The following RIMBP2 variants were observed in gnomAD, a reference collection of about 807,000 sequenced individuals.
The protein encoded by RIMBP2 is RIMS binding protein 2.
Under a neutral mutation model 118.6 loss-of-function variants are expected in RIMBP2, and 48 were observed. That is an observed-to-expected ratio of 0.40 (90% CI 0.32 to 0.51). RIMBP2 has a LOEUF of 0.51. Ranked by LOEUF, RIMBP2 falls within the 20% of genes least tolerant of loss-of-function variation. The probability of loss-of-function intolerance (pLI) is 0.41; values close to 1 mark genes in which losing one functional copy is unlikely to be tolerated. For synonymous variants in RIMBP2, 762 were observed against 742.9 expected, an observed-to-expected ratio of 1.03 and a Z score of -0.42; for missense variants, 1,551 against 1,768.3, an observed-to-expected ratio of 0.88 and a Z score of 2.20.
intron 1 of RIMBP2, chr12:130,669,216 C>T (rs545972138): frequency 2.0e-4 from 30 of 152,394 alleles, no homozygotes; most frequent in Admixed American, 3.3e-4. Flanking sequence ...GCAGGACTCA[C>T]GCCTGGGCTG....
chr12:130,495,891 C>T (rs1354859242), intron 4 of RIMBP2, among the ~76,000 whole-genome samples: 2 of 152,172 alleles, frequency 1.3e-5, no homozygotes, highest in Non-Finnish European at 2.9e-5. Flanking sequence ...ACGTAAACAA[C>T]TAGTTAATCA....
intron 6 of RIMBP2, chr12:130,470,376 C>T (rs2080900751): frequency 3.4e-6 from 1 of 297,146 alleles, no homozygotes; most frequent in African/African-American, 2.2e-5. Flanking sequence ...GCCACGCCCC[C>T]TCACTTTCCA....
chr12:130,405,567 C>G (rs2075087696), intron 21 of RIMBP2, among the ~76,000 whole-genome samples: 1 of 151,970 alleles, frequency 6.6e-6, no homozygotes, highest in African/African-American at 2.4e-5. Context: ...ATAACCCCAC[C>G]CCATTCCCTC....
intron 1 of RIMBP2, among the ~76,000 whole-genome samples, chr12:130,674,209 C>G (rs796416905): frequency 9.1e-4 from 138 of 152,330 alleles, no homozygotes; most frequent in African/African-American, 3.2e-3. Flanking sequence ...CTTCGCTTCT[C>G]TCTCTCCTGC....
At chr12:130,527,262 A>G (rs2052900216) in intron 2 of RIMBP2, among the ~76,000 whole-genome samples, 1 of 152,224 alleles carries the variant, frequency 6.6e-6, no homozygotes, top group Non-Finnish European at 1.5e-5. Context: ...TTGAATGTGA[A>G]ATACTATGCT....
At chr12:130,507,641 C>T (rs1593575289) in intron 3 of RIMBP2, among the ~76,000 whole-genome samples, 1 of 152,220 alleles carries the variant, frequency 6.6e-6, no homozygotes, top group Non-Finnish European at 1.5e-5. Context: ...AAGGCAAGCG[C>T]CATGTTCAGT....
chr12:130,397,372 C>T lies in RIMBP2; in HGVS notation c.4078G>A (p.Ala1360Thr), dbSNP rs1011486056. The change falls in exon 23 of 23, where the codon GCA becomes ACA. Residue 1360 changes from alanine (A) to threonine (T), a missense_variant. Around this residue, in one of 5 missense-constraint regions of RIMBP2, gnomAD observed 1,038 missense variants for 1,125.1 expected, o/e 0.92. Transcript: ENST00000690449. ...CGGAAGCACATGAATCATTTCACTG[C>T]ACCCAGCTTTTTCAGCAGTTTCTTG... ...KGKKLLKKLG[A>T]VK 7.5e-6 allele frequency: 3 copies of T among 398,900 alleles called. No homozygotes were observed. The highest frequency in any genetic ancestry group is 6.2e-5 in the African/African-American group (3 of 48,600). The allele number at this position is 398,900 out of a possible 1,614,324, so 24.7% of individuals were successfully genotyped here.
chr12:130,576,131 T>G lies in RIMBP2; in HGVS notation c.-217+52191A>C, dbSNP rs1593869879. ...GTTAGGCAAAGGGGCTGCGGACAGG[T>G]GAGGGGGAGGAGGGGGCTGCAGATC... On this transcript the variant is annotated intron_variant, in intron 2 of 22. Coordinates refer to ENST00000690449, the MANE Select transcript of RIMBP2 (RefSeq NM_001393629.1). The surrounding 1 kb of genome is among the most constrained non-coding windows in gnomAD (Gnocchi z 4.2). 6.7e-6 allele frequency among the ~76,000 whole-genome samples: 1 copy of G among 149,524 alleles called. No individual in the cohort carries two copies. The highest frequency in any genetic ancestry group is 2.5e-5 in the African/African-American group (1 of 40,396).
intron 2 of RIMBP2, among the ~76,000 whole-genome samples, chr12:130,535,195 C>T (rs1184376320): frequency 6.6e-6 from 1 of 151,990 alleles, no homozygotes; most frequent in Non-Finnish European, 1.5e-5. Flanking sequence ...TATGATAATG[C>T]TTTGAAAAAA....
intron 2 of RIMBP2, among the ~76,000 whole-genome samples, chr12:130,549,601 A>C (rs10848144): frequency 0.21 from 31,940 of 152,140 alleles, 3,564 homozygotes; most frequent in East Asian, 0.26. Context: ...AAGTGAGAAC[A>C]TGCAGTATTT....
Position 130,424,601 on chromosome 12 carries a change from G to A in RIMBP2, c.2670C>T (p.Gly890=). The change falls in exon 16 of 23, where the codon GGC becomes GGT. Residue 890 remains glycine, a synonymous_variant. Transcript: ENST00000690449. The surrounding 1 kb of genome is among the most constrained non-coding windows in gnomAD (Gnocchi z 9.8). ...CCTCCACGTGGGGGACGGCCCCCGAGCCCCTGTGCTTCACCGGGAACCAGG... is the reference window on the plus strand; with the variant it reads ...CCTCCACGTGGGGGACGGCCCCCGAACCCCTGTGCTTCACCGGGAACCAGG... ...RGSWFPVKHR[G]SGAVPHVEDF... The A allele has an allele frequency of 2.4e-6, 3 of 1,231,854 alleles. No individual in the cohort carries two copies. Among genetic ancestry groups the A allele is most frequent in the East Asian group, 3.2e-5 (1 of 31,676 alleles). The allele number at this position is 1,231,854 out of a possible 1,614,324, so 76.3% of individuals were successfully genotyped here.
In RIMBP2 at chr12:130,576,061, C is replaced by T. The variant is rs2058061781; in HGVS notation, c.-217+52261G>A. Among the ~76,000 whole-genome samples, 1 of 151,794 alleles carries T rather than the reference C, an allele frequency of 6.6e-6. No individual in the cohort carries two copies. The highest frequency in any genetic ancestry group is 6.6e-5 in the Admixed American group (1 of 15,238). On this transcript the variant is annotated intron_variant, in intron 2 of 22. Transcript: ENST00000690449. The surrounding 1 kb of genome is among the most constrained non-coding windows in gnomAD (Gnocchi z 4.2). ...AACAACTGCCAGTGTGGAGACATCA[C>T]AGTGGGAACTGTGTACTCTGCAGGG...
At chr12:130,462,406 G>A (rs1449554128) in intron 6 of RIMBP2, among the ~76,000 whole-genome samples, 4 of 152,182 alleles carry the variant, frequency 2.6e-5, no homozygotes, top group African/African-American at 7.2e-5. Flanking sequence ...CAGCTGCCCC[G>A]AGGATGCCTG....
At chr12:130,535,788 T>A (rs59834126) in intron 2 of RIMBP2, among the ~76,000 whole-genome samples, 1 of 142,446 alleles carries the variant, frequency 7.0e-6, no homozygotes, top group Non-Finnish European at 1.5e-5. Context: ...TATATACACA[T>A]ATTTTTTTGA....
chr12:130,714,866 G>C (rs992475675), intron 1 of RIMBP2, among the ~76,000 whole-genome samples: 1 of 152,138 alleles, frequency 6.6e-6, no homozygotes, highest in Non-Finnish European at 1.5e-5. Context: ...GCTGATTCCC[G>C]GACAGCCCAG....
chr12:130,459,868 G>A (rs963580220), intron 6 of RIMBP2, among the ~76,000 whole-genome samples: 1 of 152,206 alleles, frequency 6.6e-6, no homozygotes, highest in African/African-American at 2.4e-5. Flanking sequence ...CCACTCCCAC[G>A]CCTGTGTCCT....
chr12:130,520,454 CAGG>C lies in RIMBP2; in HGVS notation c.-216-2540_-216-2538del, dbSNP rs375655952. ...CCAAGGAGGGCAGATCACCTGAGGT[CAGG>C]AGTTCAAGACCAGCCTGGTCATGGT... On this transcript the variant is annotated intron_variant, in intron 2 of 22. Transcript: ENST00000690449. Among the ~76,000 whole-genome samples, 429 of 152,074 alleles carry C rather than the reference CAGG, an allele frequency of 2.8e-3. 1 individual carries two copies. The highest frequency in any genetic ancestry group is 9.9e-3 in the African/African-American group (411 of 41,490).
intron 2 of RIMBP2, among the ~76,000 whole-genome samples, chr12:130,625,952 A>G (rs144415602): frequency 1.9e-3 from 297 of 152,336 alleles, no homozygotes; most frequent in African/African-American, 6.7e-3. Flanking sequence ...AGTGTTCTTA[A>G]TGACACAATT....
At chr12:130,611,083 A>C (rs1469753703) in intron 2 of RIMBP2, among the ~76,000 whole-genome samples, 1 of 152,326 alleles carries the variant, frequency 6.6e-6, no homozygotes, top group East Asian at 1.9e-4. Flanking sequence ...AAAGGCCAGG[A>C]GAAGAGAGCA....
Sources: gnomAD v4.1 joint callset for allele counts (sites outside exome capture counted in the v4.1 genomes callset) on GRCh38, gnomAD v4.1.1 for gene constraint, gnomAD v4.1.1 regional missense constraint, Gnocchi (gnomAD v3.1) non-coding constraint, MANE v1.5 for transcripts, NCBI Gene and HGNC (gene_info 2026-07-23, HGNC 2026-07-21) for gene names.